The following CGNL1 variants were observed in gnomAD, a reference collection of about 807,000 sequenced individuals.
The protein encoded by CGNL1 is cingulin like 1.
A neutral mutation model predicts 141.2 loss-of-function variants in CGNL1; 132 were observed. The observed-to-expected ratio is 0.93, with a 90% CI of 0.81 to 1.08. The LOEUF is 1.08. Among genes scored for constraint, CGNL1 ranks in the 50% least tolerant of loss-of-function variants. The pLI, the probability that CGNL1 is intolerant of heterozygous loss-of-function variation, is 0.00. For missense variants in CGNL1, 1,870 were observed against 1,588.6 expected, an observed-to-expected ratio of 1.18 and a Z score of -3.01; for synonymous variants, 690 against 622.1, an observed-to-expected ratio of 1.11 and a Z score of -1.63.
At chr15:57,516,252 G>A (rs982109866) in intron 8 of CGNL1, among the ~76,000 whole-genome samples, 1 of 151,892 alleles carries the variant, frequency 6.6e-6, no homozygotes, top group Non-Finnish European at 1.5e-5. Context: ...AGGGTTATGA[G>A]GACAGGTTCT....
chr15:57,516,685 A>G, intron 8 of CGNL1, 95 bp from the exon 9 acceptor site: 1 of 1,309,400 alleles, frequency 7.6e-7, no homozygotes, highest in South Asian at 1.3e-5. Context: ...CTAAGTGGGC[A>G]CAATGGGTTT....
At chr15:57,429,820 T>C (rs1387600357) in intron 1 of CGNL1, among the ~76,000 whole-genome samples, 2 of 152,220 alleles carry the variant, frequency 1.3e-5, no homozygotes, top group East Asian at 1.9e-4. Flanking sequence ...ATCCCTCTTA[T>C]TTTTTGAGAC....
chr15:57,539,236 C>A (rs143339796), intron 14 of CGNL1, among the ~76,000 whole-genome samples: 1 of 152,128 alleles, frequency 6.6e-6, no homozygotes. Context: ...CTTCACTTTT[C>A]GGAAAATAAT....
At chr15:57,467,798 TTGTG>T in intron 8 of CGNL1, among the ~76,000 whole-genome samples, 1 of 151,398 alleles carries the variant, frequency 6.6e-6, no homozygotes, top group Admixed American at 6.6e-5. Flanking sequence ...CAAATGATTC[TTGTG>T]CCTCATCCTC....
intron 8 of CGNL1, among the ~76,000 whole-genome samples, chr15:57,465,539 C>T (rs1019081379): frequency 2.6e-5 from 4 of 151,602 alleles, no homozygotes; most frequent in Admixed American, 6.6e-5. Flanking sequence ...TACAGGCATG[C>T]GCCACCACAC....
chr15:57,463,262 C>T (rs1268400588), intron 8 of CGNL1, among the ~76,000 whole-genome samples: 1 of 152,076 alleles, frequency 6.6e-6, no homozygotes, highest in Non-Finnish European at 1.5e-5. Context: ...TCCAGGTTCT[C>T]TACTGTCAGA....
Position 57,474,921 on chromosome 15 carries a change from G to A in CGNL1, c.2403+13029G>A, listed in dbSNP as rs528041238. The stretch of plus-strand genomic sequence containing the variant: ...CACCTCTCCTAAGGCAGGTCAAGAA[G>A]AAGTCCTAAGTTTAGTGAAGTATTT... On this transcript the variant is annotated intron_variant, in intron 8 of 18. Transcript: ENST00000281282. Among the ~76,000 whole-genome samples the A allele has an allele frequency of 3.3e-5, 5 of 152,330 alleles. No homozygotes were observed. In the South Asian group the frequency reaches 8.3e-4, roughly 25 times the overall value.
intron 1 of CGNL1, among the ~76,000 whole-genome samples, chr15:57,432,539 A>G (rs764388291): frequency 2.7e-4 from 41 of 152,234 alleles, no homozygotes; most frequent in Non-Finnish European, 4.7e-4. Flanking sequence ...TTATTTGCCA[A>G]GTGCCACAAT....
In CGNL1 at chr15:57,523,612, G is replaced by T; in HGVS notation, c.2839G>T (p.Gly947Cys). The T allele has an allele frequency of 6.2e-7, 1 of 1,614,058 alleles. No homozygotes were observed. The highest frequency in any genetic ancestry group is 8.5e-7 in the Non-Finnish European group (1 of 1,180,010). ...GATGGAGAATGAGCGGTGGCACCTGGGCAAAACCATTGAGAAACTGCAGAA... is the reference window on the plus strand; with the variant it reads ...GATGGAGAATGAGCGGTGGCACCTGTGCAAAACCATTGAGAAACTGCAGAA... ...NEMENERWHL[G>C]KTIEKLQKEM... The change falls in exon 11 of 19, where the codon GGC (glycine) becomes TGC (cysteine). Residue 947 changes from glycine (G) to cysteine (C), a missense_variant. Transcript: ENST00000281282.
Position 57,439,570 on chromosome 15 carries a change from T to C in CGNL1, c.1571T>C (p.Val524Ala). The change falls in exon 2 of 19, where the codon GTG (valine) becomes GCG (alanine). Residue 524 changes from valine to alanine, a missense_variant. Coordinates refer to ENST00000281282, the MANE Select transcript of CGNL1 (RefSeq NM_032866.5). ...GATTCTGGTGCCAAGAAAATTTCCG[T>C]GAAGACATTTCCTTCGGCCTCAAAT... ...SPDSGAKKIS[V>A]KTFPSASNTQ... is the part of the protein sequence containing the mutation. The C allele has an allele frequency of 6.2e-7, 1 of 1,613,764 alleles. No individual in the cohort carries two copies. Among genetic ancestry groups the C allele is most frequent in the Non-Finnish European group, 8.5e-7 (1 of 1,180,004 alleles).
chr15:57,528,108 T>A (rs983618849), intron 12 of CGNL1, among the ~76,000 whole-genome samples: 1 of 152,018 alleles, frequency 6.6e-6, no homozygotes, highest in Non-Finnish European at 1.5e-5. Context: ...AATACAAAAA[T>A]TAGCTCAGTG....
chr15:57,532,487 C>T (rs1450331517), intron 14 of CGNL1, among the ~76,000 whole-genome samples: 2 of 152,190 alleles, frequency 1.3e-5, no homozygotes, highest in African/African-American at 4.8e-5. Flanking sequence ...GGTCAAAAGC[C>T]TTTGGATAAT....
chr15:57,453,652 A>G (rs1220100415), intron 6 of CGNL1, 31 bp from the exon 7 acceptor site: 2 of 1,612,116 alleles, frequency 1.2e-6, no homozygotes, highest in Non-Finnish European at 1.7e-6. Context: ...AGCCCAGAAG[A>G]GCCTGTCTAA....
intron 13 of CGNL1, 128 bp from the exon 14 acceptor site, chr15:57,531,562 T>C (rs1433072726): frequency 6.0e-6 from 4 of 670,690 alleles, no homozygotes; most frequent in Non-Finnish European, 1.1e-5. Flanking sequence ...ATAGATATAT[T>C]GTTTTTCCAA....
intron 1 of CGNL1, among the ~76,000 whole-genome samples, chr15:57,426,539 C>T (rs564030399): frequency 2.6e-5 from 4 of 151,786 alleles, no homozygotes; most frequent in Non-Finnish European, 5.9e-5. Flanking sequence ...CTCAACCTCC[C>T]AGGCTCAGGT....
Position 57,523,647 on chromosome 15 carries a change from G to A in CGNL1, c.2868+6G>A, listed in dbSNP as rs917929635. 4 of 1,583,580 alleles carry A rather than the reference G, an allele frequency of 2.5e-6. No individual in the cohort carries two copies. The highest frequency in any genetic ancestry group is 1.1e-5 in the South Asian group (1 of 90,356). The stretch of plus-strand genomic sequence containing the variant: ...TTGAGAAACTGCAGAAGGAGGTGAG[G>A]GGCTGGAGGAGGAAAGAGGAAGTAG... On this transcript the variant is annotated splice_donor_region_variant and intron_variant, in intron 11 of 18. Coordinates refer to ENST00000281282, the MANE Select transcript of CGNL1 (RefSeq NM_032866.5).
chr15:57,436,515 G>A, intron 1 of CGNL1, among the ~76,000 whole-genome samples: 1 of 151,814 alleles, frequency 6.6e-6, no homozygotes, highest in Non-Finnish European at 1.5e-5. Context: ...TATCTCTGGG[G>A]AAAAGTTCCT....
At chr15:57,531,553 T>C in intron 13 of CGNL1, 137 bp from the exon 14 acceptor site, 4 of 654,100 alleles carry the variant, frequency 6.1e-6, no homozygotes, top group Non-Finnish European at 1.1e-5. Flanking sequence ...ATGTAAGAAA[T>C]AGATATATTG....
intron 1 of CGNL1, among the ~76,000 whole-genome samples, chr15:57,413,728 A>T (rs530177111): frequency 6.6e-6 from 1 of 152,396 alleles, no homozygotes; most frequent in African/African-American, 2.4e-5. Context: ...GATAAAAAGT[A>T]GATCAAATGC....
Sources: allele counts gnomAD v4.1 joint callset (sites outside exome capture counted in the v4.1 genomes callset), GRCh38; gene constraint gnomAD v4.1.1; transcripts MANE v1.5; gene names NCBI Gene and HGNC (gene_info 2026-07-23, HGNC 2026-07-21).